TMPRSS15: variants seen among roughly 807,000 people sequenced by gnomAD.
TMPRSS15 encodes the protein enteropeptidase.
A neutral mutation model predicts 125.3 loss-of-function variants in TMPRSS15; 128 were observed. The observed-to-expected ratio is 1.02, with a 90% CI of 0.89 to 1.18. The LOEUF (loss-of-function observed/expected upper bound fraction) is 1.18. Among genes scored for constraint, TMPRSS15 ranks in the 50% most tolerant of loss-of-function variants. TMPRSS15 has a pLI of 0.00. For missense variants in TMPRSS15, 1,283 were observed against 1,212.7 expected, an observed-to-expected ratio of 1.06 and a Z score of -0.86; for synonymous variants, 446 against 423.2, an observed-to-expected ratio of 1.05 and a Z score of -0.66.
chr21:18,439,553 G>A (rs1056903852), intron 1 of TMPRSS15, among the ~76,000 whole-genome samples: 1 of 152,118 alleles, frequency 6.6e-6, no homozygotes, highest in South Asian at 2.1e-4. Flanking sequence ...TATACTAACT[G>A]CATTATTTTT....
At chr21:18,294,730 C>T in intron 19 of TMPRSS15, 78 bp from the exon 20 acceptor site, 2 of 1,318,444 alleles carry the variant, frequency 1.5e-6, no homozygotes. Flanking sequence ...GGTTATCCTA[C>T]TTTTGCTTTA....
intron 19 of TMPRSS15, among the ~76,000 whole-genome samples, chr21:18,296,643 T>G (rs530940160): frequency 4.4e-4 from 67 of 152,310 alleles, no homozygotes; most frequent in African/African-American, 1.5e-3. Flanking sequence ...TTACAAATTT[T>G]TAAATGCCTC....
intron 1 of TMPRSS15, among the ~76,000 whole-genome samples, chr21:18,440,608 A>G (rs1485071690): frequency 6.6e-6 from 1 of 152,022 alleles, no homozygotes; most frequent in Non-Finnish European, 1.5e-5. Context: ...TATAAGTAGC[A>G]CCTATTTTCA....
upstream of TMPRSS15, among the ~76,000 whole-genome samples, chr21:18,407,926 A>G (rs1229357766): frequency 6.6e-6 from 1 of 152,126 alleles, no homozygotes; most frequent in East Asian, 1.9e-4. Context: ...CAGTGAGTAA[A>G]TTGTTGTGTA....
chr21:18,454,470 A>G (rs1978402101), intron 1 of TMPRSS15, among the ~76,000 whole-genome samples: 1 of 152,130 alleles, frequency 6.6e-6, no homozygotes, highest in African/African-American at 2.4e-5. Context: ...AGCAAATACA[A>G]AGGCTGAGAA....
chr21:18,413,844 C>T (rs766153565), intron 1 of TMPRSS15, among the ~76,000 whole-genome samples: 11 of 152,152 alleles, frequency 7.2e-5, no homozygotes, highest in South Asian at 2.1e-4. Context: ...CCTCCCACCT[C>T]AGCCTCCTGA....
At chr21:18,347,716 TGAA>T (rs1247405324) in intron 10 of TMPRSS15, among the ~76,000 whole-genome samples, 7 of 152,218 alleles carry the variant, frequency 4.6e-5, no homozygotes, top group Admixed American at 1.3e-4. Context: ...AAGGAACAAC[TGAA>T]GAGATTTTTT....
intron 1 of TMPRSS15, among the ~76,000 whole-genome samples, chr21:18,449,687 T>A (rs969388415): frequency 6.6e-6 from 1 of 152,130 alleles, no homozygotes; most frequent in African/African-American, 2.4e-5. Context: ...CATCTTATTA[T>A]TATCATTTCC....
At chr21:18,395,970 C>T (rs2076030750) in intron 3 of TMPRSS15, among the ~76,000 whole-genome samples, 1 of 152,164 alleles carries the variant, frequency 6.6e-6, no homozygotes, top group Non-Finnish European at 1.5e-5. Context: ...AAATTGTGGG[C>T]TTGGAGCTTT....
At chr21:18,464,172 C>CAAAAAAAA (rs1163284712) in intron 1 of TMPRSS15, among the ~76,000 whole-genome samples, 1 of 37,180 alleles carries the variant, frequency 2.7e-5, no homozygotes, top group Non-Finnish European at 7.0e-5. Flanking sequence ...GACTCCGTCT[C>CAAAAAAAA]AAAAAAAAAA....
At chr21:18,366,917 A>T (rs1186308232) in intron 6 of TMPRSS15, among the ~76,000 whole-genome samples, 1 of 152,144 alleles carries the variant, frequency 6.6e-6, no homozygotes, top group Non-Finnish European at 1.5e-5. Flanking sequence ...AATACAAGCT[A>T]TTTTATGACA....
At chr21:18,299,042 A>G (rs917324425) in intron 18 of TMPRSS15, among the ~76,000 whole-genome samples, 4 of 152,190 alleles carry the variant, frequency 2.6e-5, no homozygotes, top group Non-Finnish European at 5.9e-5. Context: ...TTGCACTTTT[A>G]TTTTGTAAAC....
intron 13 of TMPRSS15, among the ~76,000 whole-genome samples, chr21:18,335,311 C>T (rs1015397653): frequency 2.6e-5 from 4 of 152,058 alleles, no homozygotes; most frequent in Non-Finnish European, 4.4e-5. Context: ...TTGTTTTTTA[C>T]CATTATTCTT....
intron 1 of TMPRSS15, among the ~76,000 whole-genome samples, chr21:18,476,264 C>T (rs538467583): frequency 3.5e-4 from 54 of 152,228 alleles, no homozygotes; most frequent in Middle Eastern, 3.4e-3. Context: ...TTTATAAATA[C>T]TTCTTGACAA....
chr21:18,303,199 T>C (rs2074991785), intron 18 of TMPRSS15, among the ~76,000 whole-genome samples: 1 of 152,200 alleles, frequency 6.6e-6, no homozygotes, highest in Non-Finnish European at 1.5e-5. Flanking sequence ...TAGATTTGCC[T>C]CTTTATTTCT....
intron 12 of TMPRSS15, 96 bp from the exon 13 acceptor site, chr21:18,341,644 G>A (rs916271331): frequency 2.1e-5 from 27 of 1,297,152 alleles, no homozygotes; most frequent in Middle Eastern, 2.1e-4. Context: ...ATATTGTCTA[G>A]AGATTCAATA....
chr21:18,459,208 TTA>T (rs1353200462), intron 1 of TMPRSS15, among the ~76,000 whole-genome samples: 1 of 152,182 alleles, frequency 6.6e-6, no homozygotes, highest in Non-Finnish European at 1.5e-5. Flanking sequence ...TCAACTTATC[TTA>T]TAAGGGTGCA....
chr21:18,385,335 GCTAA>G (rs1211195291), intron 3 of TMPRSS15, among the ~76,000 whole-genome samples: 2 of 152,084 alleles, frequency 1.3e-5, no homozygotes, highest in African/African-American at 4.8e-5. Flanking sequence ...GTGCTGGCTG[GCTAA>G]CCCCTAATTT....
chr21:18,270,510 C>G (rs1434965004), intron 24 of TMPRSS15, among the ~76,000 whole-genome samples: 1 of 152,056 alleles, frequency 6.6e-6, no homozygotes, highest in Non-Finnish European at 1.5e-5. Flanking sequence ...ACAAAGGACA[C>G]TATGGAAAAG....
Sources: allele counts gnomAD v4.1 joint callset (sites outside exome capture counted in the v4.1 genomes callset), GRCh38; gene constraint gnomAD v4.1.1; transcripts MANE v1.5; gene names NCBI Gene and HGNC (gene_info 2026-07-23, HGNC 2026-07-21).